The following SOX6 variants were observed in gnomAD, a reference collection of about 807,000 sequenced individuals.
SOX6 encodes the protein SRY-box transcription factor 6.
A neutral mutation model predicts 97.8 loss-of-function variants in SOX6; 11 were observed. The ratio of observed to expected loss-of-function variants is 0.11; its 90% CI spans 0.07 to 0.19. The LOEUF is 0.19. Among genes scored for constraint, SOX6 ranks in the 10% least tolerant of loss-of-function variants. SOX6 has a pLI of 1.00. For synonymous variants in SOX6, 360 were observed against 371.4 expected (o/e 0.97, Z 0.35); for missense variants, 810 against 1,039.5 (o/e 0.78, Z 3.04).
chr11:16,504,510 G>A (rs561144801), intron 4 of SOX6, among the ~76,000 whole-genome samples: 30 of 151,444 alleles, frequency 2.0e-4, no homozygotes, highest in South Asian at 1.7e-3. Flanking sequence ...AAAAAACTTC[G>A]AAATAAATTT....
intron 3 of SOX6, among the ~76,000 whole-genome samples, chr11:16,294,462 T>C (rs946876575): frequency 6.6e-6 from 1 of 152,128 alleles, no homozygotes; most frequent in Admixed American, 6.6e-5. Context: ...TTGGAATTTT[T>C]AAAATGTTAA....
chr11:16,232,443 T>C (rs1852881485), intron 4 of SOX6, among the ~76,000 whole-genome samples: 2 of 151,974 alleles, frequency 1.3e-5, no homozygotes, highest in Non-Finnish European at 2.9e-5. Flanking sequence ...AAAGTTCACA[T>C]ATCACAAAGA....
chr11:16,147,909 A>C (rs1850353676), intron 6 of SOX6, among the ~76,000 whole-genome samples: 1 of 152,216 alleles, frequency 6.6e-6, no homozygotes, highest in Non-Finnish European at 1.5e-5. Context: ...GCCTGGCATG[A>C]AGATGTGAAT....
At chr11:16,664,487 G>A (rs1216711864) in intron 3 of SOX6, among the ~76,000 whole-genome samples, 1 of 152,126 alleles carries the variant, frequency 6.6e-6, no homozygotes, top group Non-Finnish European at 1.5e-5. Flanking sequence ...GCCTGTGGAG[G>A]GAGCATTTAG....
Position 16,057,241 on chromosome 11 carries a change from A to C in SOX6, c.1102-1340T>G, listed in dbSNP as rs563447694. ...CATGTGCTCCCATGCTTCTCTCTCCAATCTCTTAATGTTAATGTCACAAAT... is the reference window on the plus strand; with the variant it reads ...CATGTGCTCCCATGCTTCTCTCTCCCATCTCTTAATGTTAATGTCACAAAT... On this transcript the variant is annotated intron_variant, in intron 9 of 15. Coordinates refer to ENST00000683767, the MANE Select transcript of SOX6 (RefSeq NM_001367873.1). Among the ~76,000 whole-genome samples the C allele has an allele frequency of 1.1e-4, 16 of 152,224 alleles. No homozygotes were observed. The South Asian group carries it at 3.3e-3, about 32-fold the overall frequency.
At chr11:16,507,330 C>T (rs1438834292) in intron 4 of SOX6, among the ~76,000 whole-genome samples, 1 of 152,050 alleles carries the variant, frequency 6.6e-6, no homozygotes, top group Non-Finnish European at 1.5e-5. Flanking sequence ...ATACAATAAC[C>T]ATACTAACCA....
rs1241368177 is a variant in SOX6, at chr11:16,420,111, C to T, written c.-5+56204G>A. The stretch of plus-strand genomic sequence containing the variant: ...TGTAATTGTTCTCTTCTTACTCTGA[C>T]GTTTTTAAGCTCTTGCTCCAGTGAA... On this transcript the variant is annotated intron_variant, in intron 1 of 15. Coordinates refer to the SOX6 transcript ENST00000396356. Among the ~76,000 whole-genome samples the T allele has an allele frequency of 2.0e-5, 3 of 152,194 alleles. No homozygotes were observed. The East Asian group carries it at 5.8e-4, about 29-fold the overall frequency.
At chr11:16,368,481 C>T (rs1273474516) in intron 1 of SOX6, among the ~76,000 whole-genome samples, 1 of 151,990 alleles carries the variant, frequency 6.6e-6, no homozygotes, top group Non-Finnish European at 1.5e-5. Context: ...GACCCTGTCT[C>T]AAAAATCATA....
In SOX6 at chr11:16,692,720, A is replaced by G. The variant is rs1177482086; in HGVS notation, n.429+22110T>C. On this transcript the variant is annotated intron_variant and non_coding_transcript_variant, in intron 3 of 5. Transcript: ENST00000524520. ...ATATATTTTTCATATCATTACATAT[A>G]GATGTGTACACACACACACATTGTT... is the stretch of plus-strand genomic sequence containing the variant. 5.3e-5 allele frequency among the ~76,000 whole-genome samples: 8 copies of G among 152,252 alleles called. No homozygotes were observed. The East Asian group carries it at 1.5e-3, about 29-fold the overall frequency.
intron 4 of SOX6, among the ~76,000 whole-genome samples, chr11:16,547,958 T>C (rs1847640253): frequency 6.6e-6 from 1 of 151,682 alleles, no homozygotes; most frequent in Non-Finnish European, 1.5e-5. Flanking sequence ...TAAAAGAAGA[T>C]GCAAGGAAAA....
intron 15 of SOX6, among the ~76,000 whole-genome samples, chr11:15,975,450 T>C (rs903675193): frequency 1.3e-5 from 2 of 152,220 alleles, no homozygotes; most frequent in Admixed American, 1.3e-4. Context: ...AGCTGATCTG[T>C]AATACAAACT....
At chr11:16,293,483 C>A (rs927700596) in intron 3 of SOX6, among the ~76,000 whole-genome samples, 6 of 152,080 alleles carry the variant, frequency 3.9e-5, no homozygotes, top group Non-Finnish European at 7.4e-5. Flanking sequence ...GAGAGCACTG[C>A]CCTACTTGTT....
intron 3 of SOX6, among the ~76,000 whole-genome samples, chr11:16,698,913 A>G (rs1371487281): frequency 6.6e-6 from 1 of 152,236 alleles, no homozygotes; most frequent in Admixed American, 6.5e-5. Flanking sequence ...TCACTGTAAG[A>G]GATATAACAA....
intron 4 of SOX6, chr11:16,577,220 C>T (rs1029053396): frequency 6.6e-6 from 1 of 152,132 alleles, no homozygotes; most frequent in Non-Finnish European, 1.5e-5. Flanking sequence ...CAAATGTACA[C>T]ACACAAATGT....
intron 6 of SOX6, among the ~76,000 whole-genome samples, chr11:16,126,333 TTG>T (rs917207699): frequency 1.3e-5 from 2 of 152,126 alleles, no homozygotes; most frequent in African/African-American, 2.4e-5. Flanking sequence ...TTGATTCTCT[TTG>T]ATTTAACATT....
chr11:16,728,893 T>A (rs767221283), intron 2 of SOX6, among the ~76,000 whole-genome samples: 1 of 152,052 alleles, frequency 6.6e-6, no homozygotes, highest in Admixed American at 6.6e-5. Flanking sequence ...CATAAATGAA[T>A]GGATGGAGCT....
intron 6 of SOX6, among the ~76,000 whole-genome samples, chr11:16,121,333 G>A (rs1590209638): frequency 6.6e-6 from 1 of 152,066 alleles, no homozygotes; most frequent in South Asian, 2.1e-4. Flanking sequence ...TAAAAAGTTA[G>A]TTTAGGCCTA....
intron 12 of SOX6, among the ~76,000 whole-genome samples, chr11:16,043,252 T>C (rs1427064343): frequency 6.6e-6 from 1 of 152,160 alleles, no homozygotes; most frequent in African/African-American, 2.4e-5. Flanking sequence ...GGGGTGAAGA[T>C]GGCTGGTGTT....
intron 6 of SOX6, among the ~76,000 whole-genome samples, chr11:16,126,727 A>G (rs762421890): frequency 6.6e-6 from 1 of 152,176 alleles, no homozygotes; most frequent in African/African-American, 2.4e-5. Context: ...CTTAAAACAC[A>G]GAAACTAGAC....
Sources: allele counts gnomAD v4.1 joint callset (sites outside exome capture counted in the v4.1 genomes callset), GRCh38; gene constraint gnomAD v4.1.1; transcripts MANE v1.5; gene names NCBI Gene and HGNC (gene_info 2026-07-23, HGNC 2026-07-21).